The following XYLT1 variants were observed in gnomAD, a reference collection of about 807,000 sequenced individuals.
XYLT1 encodes xylosyltransferase 1, also known as beta-D-xylosyltransferase 1.
A neutral mutation model predicts 91.3 loss-of-function variants in XYLT1; 36 were observed. The ratio of observed to expected loss-of-function variants is 0.39; its 90% CI spans 0.30 to 0.52. The LOEUF is 0.52. Among genes scored for constraint, XYLT1 ranks in the 20% least tolerant of loss-of-function variants. The pLI is 0.68. For synonymous variants in XYLT1, 588 were observed against 532.0 expected (o/e 1.11, Z -1.45); for missense variants, 1,242 against 1,284.5 (o/e 0.97, Z 0.51).
intron 1 of XYLT1, among the ~76,000 whole-genome samples, chr16:17,468,010 C>A (rs1596563022): frequency 6.6e-6 from 1 of 152,224 alleles, no homozygotes; most frequent in African/African-American, 2.4e-5. Flanking sequence ...GCAGCCTCCG[C>A]AGGGTCTGGA....
At chr16:17,155,475 T>C (rs1473957722) in intron 6 of XYLT1, among the ~76,000 whole-genome samples, 1 of 152,170 alleles carries the variant, frequency 6.6e-6, no homozygotes, top group Non-Finnish European at 1.5e-5. Flanking sequence ...GTTTCTGTCA[T>C]TTCCCACCAA....
intron 1 of XYLT1, among the ~76,000 whole-genome samples, chr16:17,400,680 T>TGGAAGG (rs1567189634): frequency 5.3e-5 from 7 of 131,420 alleles, no homozygotes; most frequent in African/African-American, 2.2e-4. Flanking sequence ...AGGAAGGAAC[T>TGGAAGG]AACTAACTTG....
At chr16:17,309,820 T>C (rs2034517546) in intron 2 of XYLT1, among the ~76,000 whole-genome samples, 1 of 152,210 alleles carries the variant, frequency 6.6e-6, no homozygotes, top group African/African-American at 2.4e-5. Context: ...CTTGTGGTTC[T>C]GGGCTTAGTG....
At chr16:17,151,564 G>A (rs2031283914) in intron 6 of XYLT1, among the ~76,000 whole-genome samples, 1 of 152,174 alleles carries the variant, frequency 6.6e-6, no homozygotes, top group African/African-American at 2.4e-5. Context: ...TCGCATTTAT[G>A]TCATGGGGTT....
chr16:17,413,386 A>G (rs1292100126), intron 1 of XYLT1, among the ~76,000 whole-genome samples: 3 of 151,850 alleles, frequency 2.0e-5, no homozygotes, highest in Admixed American at 2.0e-4. Flanking sequence ...TCTATTTGCC[A>G]TCCATTCATC....
rs200235803 is a variant in XYLT1 at position 17,170,543 on chromosome 16, C to CT, written c.1290-11635dup. ...TACCATCCCTAATGCCAGAAACATCCTTCCTACACCTTTGCCTAGAGAACT... is the reference window on the plus strand; with the variant it reads ...TACCATCCCTAATGCCAGAAACATCCTTTCCTACACCTTTGCCTAGAGAACT... On this transcript the variant is annotated intron_variant, in intron 5 of 11. Transcript: ENST00000261381. 7.0e-3 allele frequency among the ~76,000 whole-genome samples: 1,060 copies of CT among 152,258 alleles called. 14 individuals are homozygous for CT. The highest frequency in any genetic ancestry group is 0.024 in the African/African-American group (1,003 of 41,550).
intron 5 of XYLT1, among the ~76,000 whole-genome samples, chr16:17,190,563 C>T (rs1001069184): frequency 6.6e-6 from 1 of 151,106 alleles, no homozygotes; most frequent in Non-Finnish European, 1.5e-5. Flanking sequence ...TTTGTCCTTG[C>T]GATAGTTTGC....
chr16:17,168,783 C>T (rs1319013053), intron 5 of XYLT1, among the ~76,000 whole-genome samples: 1 of 152,062 alleles, frequency 6.6e-6, no homozygotes, highest in Non-Finnish European at 1.5e-5. Context: ...CCTCCAGGCT[C>T]CTCTTTACCT....
intron 2 of XYLT1, among the ~76,000 whole-genome samples, chr16:17,298,936 C>T (rs528674880): frequency 7.9e-5 from 12 of 152,260 alleles, no homozygotes; most frequent in Admixed American, 2.6e-4. Context: ...GTATCACTCT[C>T]TGGGCTATTA....
chr16:17,301,008 G>C (rs1229424004), intron 2 of XYLT1, among the ~76,000 whole-genome samples: 8 of 151,938 alleles, frequency 5.3e-5, no homozygotes, highest in African/African-American at 1.9e-4. Context: ...CTCTCAACTA[G>C]AGCTTTAATA....
intron 1 of XYLT1, among the ~76,000 whole-genome samples, chr16:17,387,950 A>G (rs1018509665): frequency 2.0e-5 from 3 of 152,200 alleles, no homozygotes; most frequent in Non-Finnish European, 4.4e-5. Context: ...TGCTACACAA[A>G]CCATGACTCA....
At chr16:17,286,270 C>T (rs35593510) in intron 2 of XYLT1, among the ~76,000 whole-genome samples, 17,007 of 152,000 alleles carry the variant, frequency 0.11, 1,055 homozygotes, top group South Asian at 0.23. Flanking sequence ...TAAACAGAGA[C>T]TGAGCAATAT....
chr16:17,231,310 T>C (rs1361015788), intron 3 of XYLT1, among the ~76,000 whole-genome samples: 1 of 152,204 alleles, frequency 6.6e-6, no homozygotes, highest in East Asian at 1.9e-4. Context: ...ATTTACCATG[T>C]TCTAGAGTGT....
rs116529964 is a variant in XYLT1 at position 17,447,176 on chromosome 16, C to T, written c.363+23258G>A. The stretch of plus-strand genomic sequence containing the variant: ...CCCAACAGCCCTGCTCTAAACCAAG[C>T]GGCCTGCTATTTATTTCCTCTCTTC... On this transcript the variant is annotated intron_variant, in intron 1 of 11. Transcript: ENST00000261381. Among the ~76,000 whole-genome samples the T allele has an allele frequency of 4.3e-3, 649 of 152,288 alleles. 9 individuals carry two copies. The highest frequency in any genetic ancestry group is 0.015 in the African/African-American group (615 of 41,540).
chr16:17,237,333 T>A (rs2033264895), intron 3 of XYLT1, among the ~76,000 whole-genome samples: 1 of 152,086 alleles, frequency 6.6e-6, no homozygotes, highest in Admixed American at 6.5e-5. Flanking sequence ...AACTATTAAT[T>A]TTTTTTTCCA....
chr16:17,158,575 A>C (rs2031472048), intron 6 of XYLT1, among the ~76,000 whole-genome samples: 1 of 152,204 alleles, frequency 6.6e-6, no homozygotes, highest in Admixed American at 6.5e-5. Flanking sequence ...GAGATATTGG[A>C]CTTGTGGAAG....
intron 5 of XYLT1, among the ~76,000 whole-genome samples, chr16:17,179,863 A>C (rs932304307): frequency 3.9e-5 from 6 of 152,350 alleles, no homozygotes; most frequent in Middle Eastern, 3.4e-3. Context: ...ATAAACATGG[A>C]CATTTTCAAA....
At chr16:17,111,259 TGAG>T (rs1466970870) in intron 11 of XYLT1, among the ~76,000 whole-genome samples, 1 of 152,150 alleles carries the variant, frequency 6.6e-6, no homozygotes, top group African/African-American at 2.4e-5. Flanking sequence ...GGCTGCACGA[TGAG>T]GAATCAGGAA....
intron 8 of XYLT1, 125 bp downstream of exon 8, chr16:17,138,230 A>AACTATT: frequency 3.8e-4 from 1 of 2,666 alleles, no homozygotes; most frequent in Non-Finnish European, 8.8e-4. Flanking sequence ...AACTATTATT[A>AACTATT]ATTATCAACA....
Sources: gnomAD v4.1 joint callset for allele counts (sites outside exome capture counted in the v4.1 genomes callset) on GRCh38, gnomAD v4.1.1 for gene constraint, MANE v1.5 for transcripts, NCBI Gene and HGNC (gene_info 2026-07-23, HGNC 2026-07-21) for gene names.